Variants in CCDC146 observed in about 807,000 individuals in gnomAD.
The protein encoded by CCDC146 is coiled-coil domain-containing protein 146.
In CCDC146, 92 loss-of-function variants were observed where a neutral mutation model predicts 119.3. The ratio of observed to expected loss-of-function variants is 0.77; its 90% confidence interval spans 0.65 to 0.92. CCDC146 has a LOEUF of 0.92. Ranked by LOEUF, CCDC146 falls within the 40% of genes least tolerant of loss-of-function variation. The probability of loss-of-function intolerance (pLI) is 0.00; values close to 1 mark genes in which losing one functional copy is unlikely to be tolerated. For synonymous variants in CCDC146, 372 were observed against 371.8 expected (o/e 1.00, Z -0.01); for missense variants, 1,000 against 1,103.0 (o/e 0.91, Z 1.32).
chr7:77,136,552 A>G (rs1015096259), intron 1 of CCDC146, among the ~76,000 whole-genome samples: 3 of 152,214 alleles, frequency 2.0e-5, no homozygotes, highest in Non-Finnish European at 4.4e-5. Context: ...TTTGAAAGAT[A>G]TAACATGCCA....
chr7:77,162,703 G>A (rs569322540), intron 1 of CCDC146, among the ~76,000 whole-genome samples: 4 of 151,860 alleles, frequency 2.6e-5, no homozygotes, highest in Non-Finnish European at 5.9e-5. Context: ...TATAGGGATT[G>A]CATTGAACCT....
intron 18 of CCDC146, among the ~76,000 whole-genome samples, 200 bp from the exon 19 acceptor site, chr7:77,294,463 G>GGGGTGTGTGTGTGT (rs1233864398): frequency 1.5e-5 from 2 of 134,232 alleles, no homozygotes; most frequent in Non-Finnish European, 1.6e-5. Context: ...ATGAGAGGTA[G>GGGGTGTGTGTGTGT]GTGTGTGTGT....
Position 77,287,446 on chromosome 7 carries a change from C to T in CCDC146, c.2284C>T (p.Leu762=), listed in dbSNP as rs200442341. 3.1e-6 allele frequency: 5 copies of T among 1,613,894 alleles called. No homozygotes were observed. The African/African-American group carries it at 6.7e-5, about 22-fold the overall frequency. Residue 762 remains leucine (L), a synonymous_variant, in exon 17 of 19, where the codon CTA becomes TTA. Coordinates refer to ENST00000285871, the MANE Select transcript of CCDC146 (RefSeq NM_020879.3). ...EMIQKLDKLE[L]QLAKKEEKLL... ...AACCAATTTTCAAACATAGCTGGAA[C>T]TACAACTGGCCAAGAAGGAGGAGAA... is the stretch of plus-strand genomic sequence containing the variant.
chr7:77,197,226 C>A (rs560470170), intron 2 of CCDC146, among the ~76,000 whole-genome samples: 1 of 152,214 alleles, frequency 6.6e-6, no homozygotes, highest in Non-Finnish European at 1.5e-5. Flanking sequence ...GCATCAACAG[C>A]AAACGACAAT....
chr7:77,208,843 C>A (rs1426553054), intron 2 of CCDC146, among the ~76,000 whole-genome samples: 2 of 152,140 alleles, frequency 1.3e-5, no homozygotes, highest in African/African-American at 4.8e-5. Flanking sequence ...AAGTAGCTGG[C>A]ACTGCAGGCA....
intron 2 of CCDC146, among the ~76,000 whole-genome samples, chr7:77,175,703 A>G (rs1791489910): frequency 1.3e-5 from 2 of 151,406 alleles, no homozygotes; most frequent in Admixed American, 1.3e-4. Flanking sequence ...GTCTTAATCT[A>G]TTTAAAAGAT....
In CCDC146 at chr7:77,273,780, G is replaced by C; in HGVS notation, c.1260G>C (p.Leu420Phe). ...AAGTTGAAGTAGCTAAGAGGAATTT[G>C]GCCCAACAGGTTAATATCAATGCTC... is the stretch of plus-strand genomic sequence containing the variant. ...HKEVEVAKRN[L>F]AQQKIISEME... Residue 420 changes from leucine (L) to phenylalanine (F), a missense_variant, in exon 10 of 19, where the codon TTG becomes TTC. Coordinates refer to ENST00000285871, the MANE Select transcript of CCDC146 (RefSeq NM_020879.3). The C allele has an allele frequency of 6.2e-7, 1 of 1,606,338 alleles. No individual in the cohort carries two copies.
At chr7:77,181,555 C>T (rs78910830) in intron 2 of CCDC146, among the ~76,000 whole-genome samples, 1,883 of 152,294 alleles carry the variant, frequency 0.012, 40 homozygotes, top group African/African-American at 0.043. Context: ...AGTACATGTA[C>T]GGTCTTAGTA....
chr7:77,139,862 C>G (rs575624202), intron 1 of CCDC146, among the ~76,000 whole-genome samples: 3 of 140,728 alleles, frequency 2.1e-5, no homozygotes, highest in Admixed American at 6.9e-5. Context: ...AATTCTCTCC[C>G]CTTCCTTCCT....
intron 2 of CCDC146, chr7:77,195,273 G>A (rs1791845902): frequency 6.6e-6 from 1 of 150,858 alleles, no homozygotes; most frequent in South Asian, 2.1e-4. Flanking sequence ...TGTTAAAGCA[G>A]TTTTCAACAT....
intron 1 of CCDC146, among the ~76,000 whole-genome samples, chr7:77,152,452 G>A (rs908815073): frequency 1.3e-5 from 2 of 152,132 alleles, no homozygotes; most frequent in Non-Finnish European, 2.9e-5. Context: ...AAAAAAAGGA[G>A]GCTATGAAAT....
At chr7:77,294,619 C>A in intron 18 of CCDC146, 44 bp from the exon 19 acceptor site, 1 of 1,591,658 alleles carries the variant, frequency 6.3e-7, no homozygotes, top group Non-Finnish European at 8.6e-7. Context: ...AGTGACTTCA[C>A]CAGAGTTTTC....
intron 1 of CCDC146, among the ~76,000 whole-genome samples, chr7:77,157,087 G>A (rs1361069106): frequency 3.6e-5 from 4 of 109,610 alleles, no homozygotes; most frequent in Admixed American, 1.0e-4. Flanking sequence ...GGTCAGCTCT[G>A]AGTTCCTGTA....
At chr7:77,284,370 A>G (rs1003048237) in intron 15 of CCDC146, among the ~76,000 whole-genome samples, 4 of 151,690 alleles carry the variant, frequency 2.6e-5, no homozygotes, top group Admixed American at 6.6e-5. Context: ...CTCCCTCCAC[A>G]GCCTCCTCAT....
chr7:77,235,373 T>C (rs1388700176), intron 2 of CCDC146, among the ~76,000 whole-genome samples: 1 of 152,244 alleles, frequency 6.6e-6, no homozygotes, highest in Non-Finnish European at 1.5e-5. Flanking sequence ...TGAATTCATA[T>C]TTAAGCTGAG....
At chr7:77,181,305 G>A (rs1584047487) in intron 2 of CCDC146, among the ~76,000 whole-genome samples, 4 of 152,156 alleles carry the variant, frequency 2.6e-5, no homozygotes, top group African/African-American at 9.7e-5. Flanking sequence ...CATTCATAAG[G>A]TCTGTCCCTA....
chr7:77,226,046 G>T (rs190862176), intron 2 of CCDC146, among the ~76,000 whole-genome samples: 2 of 152,318 alleles, frequency 1.3e-5, no homozygotes, highest in Admixed American at 1.3e-4. Flanking sequence ...AGCACAGGTG[G>T]AGGAGGAAAG....
intron 4 of CCDC146, among the ~76,000 whole-genome samples, chr7:77,248,791 A>T (rs2150498494): frequency 6.6e-6 from 1 of 152,364 alleles, no homozygotes; most frequent in South Asian, 2.1e-4. Flanking sequence ...GCAATTTCCA[A>T]AATGTCATTC....
chr7:77,154,012 C>G (rs1049635183), intron 1 of CCDC146, among the ~76,000 whole-genome samples: 77 of 151,526 alleles, frequency 5.1e-4, no homozygotes, highest in South Asian at 1.0e-3. Context: ...TAGGATGAAT[C>G]TTAAATGCAT....
Sources: allele counts gnomAD v4.1 joint callset (sites outside exome capture counted in the v4.1 genomes callset), GRCh38; gene constraint gnomAD v4.1.1; transcripts MANE v1.5; gene names NCBI Gene and HGNC (gene_info 2026-07-23, HGNC 2026-07-21).